LPP: variants seen among roughly 807,000 people sequenced by gnomAD.
LPP encodes the protein LIM domain containing preferred translocation partner in lipoma.
A neutral mutation model predicts 60.4 loss-of-function variants in LPP; 38 were observed. That is an observed-to-expected ratio of 0.63 (90% CI 0.49 to 0.83). The LOEUF (loss-of-function observed/expected upper bound fraction) is 0.83, where lower values mean the gene tolerates loss of function less well. LPP is among the 40% of genes least tolerant of loss of function. The pLI, the probability that LPP is intolerant of heterozygous loss-of-function variation, is 0.00. For synonymous variants in LPP, 328 were observed against 290.8 expected, an observed-to-expected ratio of 1.13 and a Z score of -1.30; for missense variants, 902 against 783.6, an observed-to-expected ratio of 1.15 and a Z score of -1.80.
intron 9 of LPP, among the ~76,000 whole-genome samples, chr3:188,827,075 A>T (rs1755746784): frequency 6.6e-6 from 1 of 152,198 alleles, no homozygotes; most frequent in Non-Finnish European, 1.5e-5. Context: ...GACTGATTGT[A>T]TAGGAGATCT....
chr3:188,887,739 A>C lies in LPP; in HGVS notation c.*13260A>C, dbSNP rs1016844196. The stretch of plus-strand genomic sequence containing the variant: ...AAGTCTGAACTGAGGAGTATCTTTG[A>C]TGAAAGACATTTAGGACCCTAGAAA... On this transcript the variant is annotated 3_prime_UTR_variant, in exon 12 of 12. Coordinates refer to ENST00000617246, the MANE Select transcript of LPP (RefSeq NM_001375462.1). 4.8e-6 allele frequency: 1 copy of C among 209,716 alleles called. No homozygotes were observed. The highest frequency in any genetic ancestry group is 9.7e-6 in the Non-Finnish European group (1 of 103,212). The allele number at this position is 209,716 out of a possible 1,614,324, so 13.0% of individuals were successfully genotyped here.
intron 5 of LPP, among the ~76,000 whole-genome samples, chr3:188,511,238 C>T (rs1264030759): frequency 1.8e-5 from 2 of 111,994 alleles, no homozygotes; most frequent in East Asian, 7.5e-4. Flanking sequence ...CTTCCTCCCT[C>T]CCTCACTCCC....
chr3:188,230,206 T>A, intron 2 of LPP, among the ~76,000 whole-genome samples: 1 of 151,962 alleles, frequency 6.6e-6, no homozygotes. Context: ...TTGCCTCAGC[T>A]GCCCGAGTAG....
intron 7 of LPP, among the ~76,000 whole-genome samples, chr3:188,643,044 G>T (rs1313031694): frequency 6.6e-6 from 1 of 151,320 alleles, no homozygotes; most frequent in Non-Finnish European, 1.5e-5. Context: ...TCTAGCCTGG[G>T]TACAAGAAGA....
At chr3:188,683,531 C>T (rs1297239144) in intron 7 of LPP, among the ~76,000 whole-genome samples, 1 of 152,116 alleles carries the variant, frequency 6.6e-6, no homozygotes, top group Non-Finnish European at 1.5e-5. Flanking sequence ...CTGCCTTTTG[C>T]CTGGTTTCTT....
At chr3:188,413,747 T>C (rs929309030) in intron 4 of LPP, among the ~76,000 whole-genome samples, 1 of 152,158 alleles carries the variant, frequency 6.6e-6, no homozygotes, top group African/African-American at 2.4e-5. Context: ...TTAGGCCTTA[T>C]TGATGCTCAA....
intron 5 of LPP, among the ~76,000 whole-genome samples, chr3:188,496,678 T>C (rs1579360435): frequency 6.6e-6 from 1 of 152,192 alleles, no homozygotes; most frequent in East Asian, 1.9e-4. Context: ...TCCCTTTATA[T>C]TCATTTTTAG....
chr3:188,815,401 A>G (rs951353352), intron 9 of LPP, among the ~76,000 whole-genome samples: 1 of 152,176 alleles, frequency 6.6e-6, no homozygotes, highest in Non-Finnish European at 1.5e-5. Context: ...AGAGCCAGTT[A>G]TAGGTTTGGT....
At chr3:188,669,630 G>A (rs7648063) in intron 7 of LPP, among the ~76,000 whole-genome samples, 2 of 152,098 alleles carry the variant, frequency 1.3e-5, no homozygotes, top group Admixed American at 1.3e-4. Context: ...TGATGGAGAT[G>A]ATGTGGAGAA....
At chr3:188,275,555 C>T (rs1032538508) in intron 2 of LPP, among the ~76,000 whole-genome samples, 10 of 152,260 alleles carry the variant, frequency 6.6e-5, no homozygotes, top group African/African-American at 2.4e-4. Context: ...TTAAGAGAAG[C>T]ATAAACAGTG....
At chr3:188,700,463 G>T (rs891893543) in intron 7 of LPP, among the ~76,000 whole-genome samples, 3 of 152,178 alleles carry the variant, frequency 2.0e-5, no homozygotes, top group Non-Finnish European at 4.4e-5. Flanking sequence ...ATGCAAGATG[G>T]TGTGGTGTTT....
intron 8 of LPP, among the ~76,000 whole-genome samples, chr3:188,753,573 TTG>T (rs1307749371): frequency 5.1e-5 from 6 of 118,252 alleles, no homozygotes; most frequent in South Asian, 2.7e-4. Flanking sequence ...TTTTGGCTTG[TTG>T]TGTGCGTGTG....
intron 3 of LPP, among the ~76,000 whole-genome samples, chr3:188,393,273 G>T (rs1007922438): frequency 6.6e-6 from 1 of 152,064 alleles, no homozygotes; most frequent in Non-Finnish European, 1.5e-5. Context: ...CTAGGTTTCT[G>T]CTATATCTTG....
intron 7 of LPP, among the ~76,000 whole-genome samples, chr3:188,660,154 T>G (rs116178893): frequency 0.01 from 1,541 of 152,292 alleles, 27 homozygotes; most frequent in African/African-American, 0.035. Context: ...GGTTTTACAT[T>G]CTCTCCTTAC....
intron 3 of LPP, among the ~76,000 whole-genome samples, chr3:188,397,549 G>A (rs1228963455): frequency 1.3e-5 from 2 of 151,852 alleles, no homozygotes; most frequent in African/African-American, 2.4e-5. Context: ...TTTCCTTTTC[G>A]AGTGCCGTTC....
chr3:188,288,693 G>C (rs1483736208), intron 2 of LPP, among the ~76,000 whole-genome samples: 2 of 152,030 alleles, frequency 1.3e-5, no homozygotes. Context: ...TTTCCTAAAA[G>C]TTAATTATGT....
chr3:188,602,176 T>TAATATATATATAATATATATATAA (rs1491164275), intron 6 of LPP, among the ~76,000 whole-genome samples: 1 of 99,480 alleles, frequency 1.0e-5, no homozygotes, highest in African/African-American at 3.3e-5. Context: ...TATATATATA[T>TAATATATATATAATATATATATAA]TATATATATA....
At chr3:188,314,597 C>CTG (rs34621159) in intron 2 of LPP, among the ~76,000 whole-genome samples, 27,442 of 149,660 alleles carry the variant, frequency 0.18, 2,752 homozygotes, top group East Asian at 0.32. Flanking sequence ...TTTGAAAATT[C>CTG]TGTGTGTGTG....
chr3:188,819,929 G>A (rs907793786), intron 9 of LPP, among the ~76,000 whole-genome samples: 9 of 152,102 alleles, frequency 5.9e-5, no homozygotes, highest in Admixed American at 2.6e-4. Flanking sequence ...TTTGAAAACC[G>A]AAGCAATTAA....
Sources: allele counts gnomAD v4.1 joint callset (sites outside exome capture counted in the v4.1 genomes callset), GRCh38; gene constraint gnomAD v4.1.1; transcripts MANE v1.5; gene names NCBI Gene and HGNC (gene_info 2026-07-23, HGNC 2026-07-21).